ITPR3: variants seen among roughly 807,000 people sequenced by gnomAD.
ITPR3 encodes inositol 1,4,5-trisphosphate receptor type 3.
ITPR3 carries 173 observed loss-of-function variants against 293.2 expected under a neutral mutation model. That is an observed-to-expected ratio of 0.59 (90% CI 0.52 to 0.67). ITPR3 has a LOEUF of 0.67. ITPR3 is among the 30% of genes least tolerant of loss of function. The pLI is 0.00. For synonymous variants in ITPR3, 1,295 were observed against 1,444.4 expected (o/e 0.90, Z 2.35); for missense variants, 2,796 against 3,592.1 (o/e 0.78, Z 5.66).
In ITPR3 at chr6:33,624,744, T is replaced by C. The variant is rs1384022231; in HGVS notation, c.89+3053T>C. Among the ~76,000 whole-genome samples, 5 of 152,014 alleles carry C rather than the reference T, an allele frequency of 3.3e-5. No homozygotes were observed. On this transcript the variant is annotated intron_variant, in intron 1 of 57. Coordinates refer to ENST00000605930, the MANE Select transcript of ITPR3 (RefSeq NM_002224.4). The surrounding 1 kb of genome is among the most constrained non-coding windows in gnomAD (Gnocchi z 4.7). ...GTACCCAGTAAGGGCTGGATAAAAA[T>C]GAATGTGTTGAAGGCAGGGGTGGCC...
chr6:33,661,567 G>A lies in ITPR3; in HGVS notation c.712-961G>A, dbSNP rs114512768. On this transcript the variant is annotated intron_variant, in intron 7 of 57. Transcript: ENST00000605930. The stretch of plus-strand genomic sequence containing the variant: ...ACAGTGGCTGGCACGCGGTAAGTGT[G>A]CAGTGTGACTTCATCACGCATATTA... Among the ~76,000 whole-genome samples the A allele has an allele frequency of 5.1e-3, 775 of 152,342 alleles. 6 individuals carry two copies. The highest frequency in any genetic ancestry group is 7.5e-3 in the Non-Finnish European group (511 of 68,028).
intron 49 of ITPR3, 130 bp downstream of exon 49, chr6:33,688,911 G>C: frequency 8.1e-7 from 1 of 1,242,114 alleles, no homozygotes; most frequent in Non-Finnish European, 1.1e-6. Flanking sequence ...CACCCCCTGC[G>C]CCATCCTGTG....
At chr6:33,641,666 C>A (rs1763955368) in intron 2 of ITPR3, among the ~76,000 whole-genome samples, 1 of 152,088 alleles carries the variant, frequency 6.6e-6, no homozygotes, top group Non-Finnish European at 1.5e-5. Context: ...TCCACCTCAT[C>A]CTCTCCCCCT....
chr6:33,664,155 G>A lies in ITPR3; in HGVS notation c.1148+275G>A, dbSNP rs1359342814. Reference sequence around the variant, plus strand: ...TTTGTCTAGGACACCAGCAGCACAGGGAACCCAAACACTGGATGGGAAGGC... The same window carrying A: ...TTTGTCTAGGACACCAGCAGCACAGAGAACCCAAACACTGGATGGGAAGGC... On this transcript the variant is annotated intron_variant, in intron 11 of 57. Transcript: ENST00000605930. The surrounding 1 kb of genome is among the most constrained non-coding windows in gnomAD (Gnocchi z 4.4). Among the ~76,000 whole-genome samples, 2 of 152,208 alleles carry A rather than the reference G, an allele frequency of 1.3e-5. No homozygotes were observed. Among genetic ancestry groups the A allele is most frequent in the African/African-American group, 4.8e-5 (2 of 41,436 alleles).
intron 1 of ITPR3, among the ~76,000 whole-genome samples, chr6:33,626,075 C>G (rs1025280964): frequency 1.3e-5 from 2 of 152,222 alleles, no homozygotes; most frequent in Non-Finnish European, 2.9e-5. Context: ...GCTGGGACTA[C>G]AGGCGTGTGC....
chr6:33,630,655 C>T (rs1763654618), intron 1 of ITPR3, among the ~76,000 whole-genome samples: 1 of 152,194 alleles, frequency 6.6e-6, no homozygotes, highest in East Asian at 1.9e-4. Flanking sequence ...AAACCCAGGC[C>T]TGTGGCAGAG....
chr6:33,629,173 T>G (rs1763615500), intron 1 of ITPR3, among the ~76,000 whole-genome samples: 1 of 151,144 alleles, frequency 6.6e-6, no homozygotes, highest in Admixed American at 6.6e-5. Context: ...AGTGGTCACA[T>G]TTGATATTTG....
In ITPR3 at chr6:33,664,270, G is replaced by A. The variant is rs140350028; in HGVS notation, c.1148+390G>A. On this transcript the variant is annotated intron_variant, in intron 11 of 57. Coordinates refer to ENST00000605930, the MANE Select transcript of ITPR3 (RefSeq NM_002224.4). The surrounding 1 kb of genome is among the most constrained non-coding windows in gnomAD (Gnocchi z 4.4). ...CTCAAGTGTCAGTACAGGCTTTGGC[G>A]TGTCCTTAGCTGTATGACCTCAGGC... Among the ~76,000 whole-genome samples, 30 of 152,154 alleles carry A rather than the reference G, an allele frequency of 2.0e-4. No homozygotes were observed. The highest frequency in any genetic ancestry group is 1.4e-3 in the Admixed American group (21 of 15,280).
Position 33,676,917 on chromosome 6 carries a change from C to T in ITPR3, c.3432C>T (p.Ala1144=). 1 of 1,614,054 alleles carries T rather than the reference C, an allele frequency of 6.2e-7. No homozygotes were observed. The highest frequency in any genetic ancestry group is 8.5e-7 in the Non-Finnish European group (1 of 1,179,960). Residue 1144 remains alanine, a synonymous_variant, in exon 26 of 58, where the codon GCC becomes GCT. Coordinates refer to ENST00000605930, the MANE Select transcript of ITPR3 (RefSeq NM_002224.4). ...GTGAGGAGGTGGAGGCAGGCGCCGC[C>T]AAGGACAAGAAAGAGGTAAGTGGGG... ...GKGEEVEAGA[A]KDKKERPTDE... is the part of the protein sequence containing the mutation.
In ITPR3 at chr6:33,690,910, C is replaced by A. The variant is rs528380680; in HGVS notation, c.7033-7C>A. 1 of 1,613,102 alleles carries A rather than the reference C, an allele frequency of 6.2e-7. No individual in the cohort carries two copies. Among genetic ancestry groups the A allele is most frequent in the Non-Finnish European group, 8.5e-7 (1 of 1,179,228 alleles). On this transcript the variant is annotated splice_polypyrimidine_tract_variant and splice_region_variant and intron_variant, in intron 51 of 57. Coordinates refer to ENST00000605930, the MANE Select transcript of ITPR3 (RefSeq NM_002224.4). ...GGTGCCATCCCTATCTCAACCCCAT[C>A]CTGCAGCTCTTTGACCTCATCTACC...
chr6:33,694,658 A>G, intron 56 of ITPR3: 1 of 483,424 alleles, frequency 2.1e-6, no homozygotes, highest in Non-Finnish European at 3.7e-6. Context: ...TGGTGCTGAT[A>G]CCAGCAAAGG....
At chr6:33,634,669 G>A (rs899819342) in intron 1 of ITPR3, among the ~76,000 whole-genome samples, 1 of 152,124 alleles carries the variant, frequency 6.6e-6, no homozygotes, top group East Asian at 1.9e-4. Context: ...ACTGGCATGG[G>A]GAGGGGCTGA....
At chr6:33,623,029 T>C (rs1378246034) in intron 1 of ITPR3, among the ~76,000 whole-genome samples, 1 of 152,038 alleles carries the variant, frequency 6.6e-6, no homozygotes, top group African/African-American at 2.4e-5. Flanking sequence ...CCCTAGAGGA[T>C]GGGGGTGGAG....
At position 33,687,379 on chromosome 6, in the gene ITPR3, C is replaced by T. The variant is rs562219177; in HGVS notation, c.6177+52C>T. 48 of 1,494,146 alleles carry T rather than the reference C, an allele frequency of 3.2e-5. No individual in the cohort carries two copies. The highest frequency in any genetic ancestry group is 4.0e-5 in the Non-Finnish European group (44 of 1,087,082). The allele number at this position is 1,494,146 out of a possible 1,614,324, so 92.6% of individuals were successfully genotyped here. Reference sequence around the variant, plus strand: ...CATCACCCCCCTGGCCACCATACCCCGCCCCAGCTGCCATCATCCCCCAGT... The same window carrying T: ...CATCACCCCCCTGGCCACCATACCCTGCCCCAGCTGCCATCATCCCCCAGT... On this transcript the variant is annotated intron_variant, in intron 45 of 57. Transcript: ENST00000605930. This position sits in a 1 kb window ranked among gnomAD's most constrained non-coding sequence, Gnocchi z 5.3.
At chr6:33,676,201 C>A (rs780477980) in intron 25 of ITPR3, among the ~76,000 whole-genome samples, 14 of 152,256 alleles carry the variant, frequency 9.2e-5, no homozygotes, top group Non-Finnish European at 2.1e-4. Flanking sequence ...AATATCAATA[C>A]CAGTCGGCGT....
At position 33,674,225 on chromosome 6, in the gene ITPR3, G is replaced by C. The variant is rs1219402225; in HGVS notation, c.3076G>C (p.Asp1026His). ...CCCCACAGCTGCCAACATGAACCTG[G>C]ATCGCATCGGGGAGCAGGCGGAGGC... ...FDSTTANMNL[D>H]RIGEQAEAMF... Residue 1026 changes from aspartate (D) to histidine (H), a missense_variant, in exon 24 of 58, where the codon GAT becomes CAT. By Grantham distance (81) the Asp-to-His change is moderately conservative (BLOSUM62 -1). This residue lies in a region of ITPR3 where 955 missense variants were observed against 1,180.8 expected (regional missense o/e 0.81). Coordinates refer to ENST00000605930, the MANE Select transcript of ITPR3 (RefSeq NM_002224.4). The C allele has an allele frequency of 1.2e-6, 2 of 1,614,108 alleles. No homozygotes were observed. Among genetic ancestry groups the C allele is most frequent in the Non-Finnish European group, 1.7e-6 (2 of 1,180,014 alleles).
Position 33,687,395 on chromosome 6 carries a change from A to G in ITPR3, c.6177+68A>G. ...ACCATACCCCGCCCCAGCTGCCATC[A>G]TCCCCCAGTCGCCATTGTCGCCCCC... is the stretch of plus-strand genomic sequence containing the variant. On this transcript the variant is annotated intron_variant, in intron 45 of 57. Transcript: ENST00000605930. This position sits in a 1 kb window ranked among gnomAD's most constrained non-coding sequence, Gnocchi z 5.3. The G allele has an allele frequency of 6.9e-7, 1 of 1,455,994 alleles. No individual in the cohort carries two copies. Among genetic ancestry groups the G allele is most frequent in the Non-Finnish European group, 9.5e-7 (1 of 1,057,850 alleles). The allele number at this position is 1,455,994 out of a possible 1,614,324, so 90.2% of individuals were successfully genotyped here.
intron 27 of ITPR3, 60 bp downstream of exon 27, chr6:33,677,149 C>T (rs565459106): frequency 5.7e-5 from 85 of 1,479,886 alleles, no homozygotes; most frequent in South Asian, 9.1e-5. Context: ...TGGGGGCTCC[C>T]GCTGGCCCGG....
At position 33,693,611 on chromosome 6, in the gene ITPR3, A is replaced by T. The variant is rs1561885429; in HGVS notation, c.7691A>T (p.Asn2564Ile). 1 of 1,614,234 alleles carries T rather than the reference A, an allele frequency of 6.2e-7. No individual in the cohort carries two copies. The highest frequency in any genetic ancestry group is 8.5e-7 in the Non-Finnish European group (1 of 1,180,032). The change falls in exon 56 of 58, where the codon AAC becomes ATC. Residue 2564 changes from asparagine (N) to isoleucine (I), a missense_variant. Physicochemically the swap from Asn to Ile is moderately radical, Grantham distance 149. Around this residue, in one of 8 missense-constraint regions of ITPR3, gnomAD observed 568 missense variants for 796.1 expected, o/e 0.71. Transcript: ENST00000605930. ...SFEEHIKLEH[N>I]MWNYLYFIVL... The stretch of plus-strand genomic sequence containing the variant: ...GAGGAACACATCAAGCTGGAGCACA[A>T]CATGTGGAACTACTTGTACTTCATT...
Sources: gnomAD v4.1 joint callset for allele counts (sites outside exome capture counted in the v4.1 genomes callset) on GRCh38, gnomAD v4.1.1 for gene constraint, gnomAD v4.1.1 regional missense constraint, Gnocchi (gnomAD v3.1) non-coding constraint, MANE v1.5 for transcripts, NCBI Gene and HGNC (gene_info 2026-07-23, HGNC 2026-07-21) for gene names.